The following ITM2C variants were observed in gnomAD, a reference collection of about 807,000 sequenced individuals.
ITM2C encodes BRICHOS domain containing 2C.
Under a neutral mutation model 30.0 loss-of-function variants are expected in ITM2C, and 20 were observed. The observed-to-expected ratio is 0.67, with a 90% CI of 0.47 to 0.97. The LOEUF is 0.97. Ranked by LOEUF, ITM2C falls within the 50% of genes least tolerant of loss-of-function variation. The probability of loss-of-function intolerance (pLI) is 0.00; values close to 1 mark genes in which losing one functional copy is unlikely to be tolerated. For missense variants in ITM2C, 366 were observed against 371.9 expected, an observed-to-expected ratio of 0.98 and a Z score of 0.13; for synonymous variants, 167 against 156.4, an observed-to-expected ratio of 1.07 and a Z score of -0.51.
At chr2:230,867,362 T>C (rs960107395) in intron 1 of ITM2C, among the ~76,000 whole-genome samples, 1 of 152,216 alleles carries the variant, frequency 6.6e-6, no homozygotes, top group African/African-American at 2.4e-5. Flanking sequence ...GTTGCCCCAC[T>C]TGGCCAACCC....
At chr2:230,872,193 T>C (rs1190681302) in intron 1 of ITM2C, among the ~76,000 whole-genome samples, 1 of 152,148 alleles carries the variant, frequency 6.6e-6, no homozygotes, top group Admixed American at 6.5e-5. Flanking sequence ...TCCCCTCCTC[T>C]CCCCAATACT....
chr2:230,864,449 GCCT>G (rs1165030326), upstream of ITM2C, among the ~76,000 whole-genome samples: 1 of 152,160 alleles, frequency 6.6e-6, no homozygotes, highest in African/African-American at 2.4e-5. The surrounding 1 kb of genome is among the most constrained non-coding windows in gnomAD (Gnocchi z 4.3). Context: ...CTGTCTCAAA[GCCT>G]CCTCCCCGCG....
chr2:230,871,759 GCCTGCTGA>G (rs1203356699), intron 1 of ITM2C, among the ~76,000 whole-genome samples: 4 of 152,248 alleles, frequency 2.6e-5, no homozygotes, highest in Non-Finnish European at 5.9e-5. Flanking sequence ...GATGCTGGGG[GCCTGCTGA>G]CCTGCTCACG....
chr2:230,878,454 G>A lies in ITM2C; in HGVS notation c.*355G>A, dbSNP rs1689994681. On this transcript the variant is annotated 3_prime_UTR_variant, in exon 6 of 6. Transcript: ENST00000326427. This position sits in a 1 kb window ranked among gnomAD's most constrained non-coding sequence, Gnocchi z 4.5. ...GCCGGGCATGTGAGGCCCTGGGCAA[G>A]GGGATGGGGCTGTGGGGGCGGGGCG... 5.4e-6 allele frequency: 1 copy of A among 185,722 alleles called. No homozygotes were observed. Among genetic ancestry groups the A allele is most frequent in the Non-Finnish European group, 1.1e-5 (1 of 89,914 alleles). The allele number at this position is 185,722 out of a possible 1,614,324, so 11.5% of individuals were successfully genotyped here.
At chr2:230,871,614 G>A (rs1389718820) in intron 1 of ITM2C, among the ~76,000 whole-genome samples, 2 of 152,222 alleles carry the variant, frequency 1.3e-5, no homozygotes, top group Non-Finnish European at 2.9e-5. Flanking sequence ...AGGGCAAGGT[G>A]GGGAGAGGCC....
intron 1 of ITM2C, among the ~76,000 whole-genome samples, chr2:230,869,726 G>A (rs984834444): frequency 2.0e-5 from 3 of 152,194 alleles, no homozygotes; most frequent in African/African-American, 4.8e-5. Flanking sequence ...GGGGTCTGCC[G>A]AGTTAATGCT....
rs767227142 is a variant in ITM2C, at chr2:230,878,010, A to T, written c.715A>T (p.Ile239Phe). The T allele has an allele frequency of 2.5e-6, 4 of 1,612,706 alleles. No individual in the cohort carries two copies. The South Asian group carries it at 4.4e-5, about 18-fold the overall frequency. Reference sequence around the variant, plus strand: ...GGGGTTTTTCTTTTTCCTCCCAGGGATCAACAAGCGTGGGGCCAAGAACTG... The same window carrying T: ...GGGGTTTTTCTTTTTCCTCCCAGGGTTCAACAAGCGTGGGGCCAAGAACTG... ...RLRRRATRRR[I>F]NKRGAKNCNA... Residue 239 changes from isoleucine (I) to phenylalanine (F), a missense_variant and splice_region_variant, in exon 6 of 6, where the codon ATC (isoleucine) becomes TTC (phenylalanine). Physicochemically the swap from Ile to Phe is conservative, Grantham distance 21. Transcript: ENST00000326427. This position sits in a 1 kb window ranked among gnomAD's most constrained non-coding sequence, Gnocchi z 4.5.
chr2:230,875,702 A>G lies in ITM2C; in HGVS notation c.344A>G (p.Glu115Gly), dbSNP rs895226167. 6.2e-7 allele frequency: 1 copy of G among 1,613,446 alleles called. No individual in the cohort carries two copies. Among genetic ancestry groups the G allele is most frequent in the Non-Finnish European group, 8.5e-7 (1 of 1,179,666 alleles). The change falls in exon 3 of 6, where the codon GAA (glutamate) becomes GGA (glycine). Residue 115 changes from glutamate (E) to glycine (G), a missense_variant. Glu to Gly is a moderately conservative substitution (Grantham distance 98). Coordinates refer to ENST00000326427, the MANE Select transcript of ITM2C (RefSeq NM_030926.6). ...SSQVRTQMEL[E>G]EDVKIYLDEN... ...CAGGTCCGGACTCAGATGGAGCTGGAAGAGGATGTGAAAATCTACCTCGAC... is the reference window on the plus strand; with the variant it reads ...CAGGTCCGGACTCAGATGGAGCTGGGAGAGGATGTGAAAATCTACCTCGAC...
intron 1 of ITM2C, among the ~76,000 whole-genome samples, chr2:230,870,868 CTT>C (rs1315627486): frequency 1.3e-5 from 2 of 148,700 alleles, no homozygotes; most frequent in African/African-American, 4.9e-5. Context: ...AGCGCTTTGA[CTT>C]TTTTTTTTTT....
intron 1 of ITM2C, among the ~76,000 whole-genome samples, chr2:230,870,079 G>C (rs1265828140): frequency 6.6e-6 from 1 of 152,234 alleles, no homozygotes; most frequent in African/African-American, 2.4e-5. Flanking sequence ...AGTGAGCTGG[G>C]CACCAGGGAT....
chr2:230,868,370 C>A (rs1156855739), intron 1 of ITM2C, among the ~76,000 whole-genome samples: 1 of 152,074 alleles, frequency 6.6e-6, no homozygotes, highest in Non-Finnish European at 1.5e-5. Flanking sequence ...CCTCCCAGCG[C>A]CAACTGGATC....
chr2:230,877,545 G>A lies in ITM2C; in HGVS notation c.707G>A (p.Arg236Gln), dbSNP rs150758684. ...DTYRLRRRAT[R>Q]RRINKRGAKN... ...TACCGGCTCCGGCGCCGGGCAACGC[G>A]GAGGCGTGAGTGGCTGGCTTCACCC... is the stretch of plus-strand genomic sequence containing the variant. The change falls in exon 5 of 6, where the codon CGG becomes CAG. Residue 236 changes from arginine (R) to glutamine (Q), a missense_variant. Arg to Gln is a conservative substitution (Grantham distance 43). Transcript: ENST00000326427. This position sits in a 1 kb window ranked among gnomAD's most constrained non-coding sequence, Gnocchi z 4.8. 78 of 1,613,332 alleles carry A rather than the reference G, an allele frequency of 4.8e-5. No individual in the cohort carries two copies. Among genetic ancestry groups the A allele is most frequent in the South Asian group, 6.6e-5 (6 of 91,066 alleles).
At chr2:230,871,798 G>A (rs1432309129) in intron 1 of ITM2C, among the ~76,000 whole-genome samples, 6 of 152,216 alleles carry the variant, frequency 3.9e-5, no homozygotes, top group Admixed American at 3.3e-4. Flanking sequence ...GTGAAGGGGG[G>A]GTCCTCCAGA....
intron 1 of ITM2C, among the ~76,000 whole-genome samples, chr2:230,868,470 C>CAT (rs1697086224): frequency 6.6e-6 from 1 of 150,736 alleles, no homozygotes; most frequent in African/African-American, 2.4e-5. Flanking sequence ...CACTCACACA[C>CAT]ACACACACAC....
chr2:230,877,124 G>A lies in ITM2C; in HGVS notation c.561+157G>A, dbSNP rs1180512718. On this transcript the variant is annotated intron_variant, in intron 4 of 5. Transcript: ENST00000326427. The surrounding 1 kb of genome is among the most constrained non-coding windows in gnomAD (Gnocchi z 4.8). ...TGGGCCCTGTACCCAGATTGGTCTC[G>A]CCTCTGCTATCCCCCTGCTTCCACA... 1.3e-5 allele frequency among the ~76,000 whole-genome samples: 2 copies of A among 152,110 alleles called. No individual in the cohort carries two copies. Among genetic ancestry groups the A allele is most frequent in the African/African-American group, 2.4e-5 (1 of 41,398 alleles).
At position 230,876,769 on chromosome 2, in the gene ITM2C, C is replaced by A. The variant is rs1246743291; in HGVS notation, c.451-88C>A. 1.8e-5 allele frequency: 15 copies of A among 837,636 alleles called. No homozygotes were observed. The South Asian group carries it at 2.1e-4, about 12-fold the overall frequency. The allele number at this position is 837,636 out of a possible 1,614,324, so 51.9% of individuals were successfully genotyped here. On this transcript the variant is annotated intron_variant, in intron 3 of 5. Coordinates refer to ENST00000326427, the MANE Select transcript of ITM2C (RefSeq NM_030926.6). Reference sequence around the variant, plus strand: ...TGCTGGGATTACAGGCATGAGCCACCGCGCCTGGCTGGCCAAAGCTTCTTG... The same window carrying A: ...TGCTGGGATTACAGGCATGAGCCACAGCGCCTGGCTGGCCAAAGCTTCTTG...
Position 230,878,870 on chromosome 2 carries a change from TC to T in ITM2C, c.*772del, listed in dbSNP as rs1438886017. 1 of 152,604 alleles carries T rather than the reference TC, an allele frequency of 6.6e-6. No homozygotes were observed. The highest frequency in any genetic ancestry group is 1.5e-5 in the Non-Finnish European group (1 of 68,234). 9.5% of individuals were successfully genotyped at this position (152,604 alleles called of 1,614,324 possible). On this transcript the variant is annotated 3_prime_UTR_variant, in exon 6 of 6. Transcript: ENST00000326427. The surrounding 1 kb of genome is among the most constrained non-coding windows in gnomAD (Gnocchi z 4.5). ...CGGGGCAGGCAAGGTCACTGCTCAG[TC>T]ACGTCCACGGGGGACGAGCCGTGGG...
At position 230,877,273 on chromosome 2, in the gene ITM2C, T is replaced by C; in HGVS notation, c.562-127T>C. 2 of 912,430 alleles carry C rather than the reference T, an allele frequency of 2.2e-6. No individual in the cohort carries two copies. Among genetic ancestry groups the C allele is most frequent in the Admixed American group, 4.8e-5 (2 of 41,884 alleles). The allele number at this position is 912,430 out of a possible 1,614,324, so 56.5% of individuals were successfully genotyped here. ...GCAGGCACCGGGCACAGGCAGGAAG[T>C]GCCTGAGGACATCAGAAGGGCCAGC... On this transcript the variant is annotated intron_variant, in intron 4 of 5. Transcript: ENST00000326427. This position sits in a 1 kb window ranked among gnomAD's most constrained non-coding sequence, Gnocchi z 4.8.
chr2:230,873,409 A>G lies in ITM2C; in HGVS notation c.121-8A>G. On this transcript the variant is annotated splice_polypyrimidine_tract_variant and splice_region_variant and intron_variant, in intron 1 of 5. Coordinates refer to ENST00000326427, the MANE Select transcript of ITM2C (RefSeq NM_030926.6). ...TGGCCCCCACTGACCCAGCATTGCTATCCACAGGAGGAGCAGCCCCCACAA... is the reference window on the plus strand; with the variant it reads ...TGGCCCCCACTGACCCAGCATTGCTGTCCACAGGAGGAGCAGCCCCCACAA... 1.9e-6 allele frequency: 3 copies of G among 1,560,008 alleles called. No individual in the cohort carries two copies. The highest frequency in any genetic ancestry group is 2.7e-5 in the African/African-American group (2 of 72,984).
Sources: gnomAD v4.1 joint callset for allele counts (sites outside exome capture counted in the v4.1 genomes callset) on GRCh38, gnomAD v4.1.1 for gene constraint, Gnocchi (gnomAD v3.1) non-coding constraint, MANE v1.5 for transcripts, NCBI Gene and HGNC (gene_info 2026-07-23, HGNC 2026-07-21) for gene names.